The following FAM228B variants were observed in gnomAD, a reference collection of about 807,000 sequenced individuals.
FAM228B encodes the protein protein FAM228B.
FAM228B carries 38 observed loss-of-function variants against 42.6 expected under a neutral mutation model. The observed-to-expected ratio is 0.89, with a 90% CI of 0.69 to 1.17. The LOEUF (loss-of-function observed/expected upper bound fraction) is 1.17, where lower values mean the gene tolerates loss of function less well. FAM228B is among the 50% of genes most tolerant of loss of function. FAM228B has a pLI of 0.00. For synonymous variants in FAM228B, 109 were observed against 122.3 expected, an observed-to-expected ratio of 0.89 and a Z score of 0.72; for missense variants, 344 against 367.3, an observed-to-expected ratio of 0.94 and a Z score of 0.52.
At chr2:24,129,271 C>T (rs11892822) in intron 2 of FAM228B, among the ~76,000 whole-genome samples, 200 of 150,252 alleles carry the variant, frequency 1.3e-3, no homozygotes, top group African/African-American at 4.7e-3. Flanking sequence ...GCCTGATGTT[C>T]GATATCTTGG....
intron 9 of FAM228B, among the ~76,000 whole-genome samples, chr2:24,164,829 G>A (rs1250165344): frequency 6.6e-6 from 1 of 152,130 alleles, no homozygotes; most frequent in Non-Finnish European, 1.5e-5. Context: ...TTGAGAGATT[G>A]CCAGCAGCAG....
In FAM228B at chr2:24,164,303, C is replaced by T. The variant is rs1421510272; in HGVS notation, c.900C>T (p.Ser300=). Residue 300 remains serine, a synonymous_variant, in exon 9 of 11, where the codon AGC becomes AGT. Transcript: ENST00000615575. ...CTGAAGGGTATTTTTCTTCCTTGAG[C>T]CTCAGCCAGGAACGGGAGGAAGACC... The part of the protein sequence containing the change: ...AISEGYFSSL[S]LSQEREEDQD... 1 of 1,550,706 alleles carries T rather than the reference C, an allele frequency of 6.4e-7. No individual in the cohort carries two copies. The highest frequency in any genetic ancestry group is 8.7e-7 in the Non-Finnish European group (1 of 1,146,558).
intron 10 of FAM228B, among the ~76,000 whole-genome samples, chr2:24,168,356 G>A (rs1217381598): frequency 6.6e-6 from 1 of 152,234 alleles, no homozygotes; most frequent in Non-Finnish European, 1.5e-5. Context: ...TGGAGCGAGA[G>A]GTTGGTATGG....
At position 24,133,858 on chromosome 2, in the gene FAM228B, G is replaced by A. The variant is rs148874321; in HGVS notation, c.100-1261G>A. 2.9e-3 allele frequency among the ~76,000 whole-genome samples: 449 copies of A among 152,206 alleles called. 1 individual carries two copies. The highest frequency in any genetic ancestry group is 9.8e-3 in the African/African-American group (406 of 41,528). ...GCTCAGGAGTTTGAGGGTACAGTGC[G>A]CTATGATCATACTACTACACTCTAG... On this transcript the variant is annotated intron_variant, in intron 2 of 10. Transcript: ENST00000615575.
At chr2:24,118,403 C>T (rs751931162) in intron 3 of FAM228B, among the ~76,000 whole-genome samples, 5 of 152,184 alleles carry the variant, frequency 3.3e-5, no homozygotes, top group South Asian at 2.1e-4. Flanking sequence ...AGCTCTCTGG[C>T]GCCTTCCCTG....
At chr2:24,103,814 C>T (rs10181367) in intron 3 of FAM228B, among the ~76,000 whole-genome samples, 18,116 of 152,182 alleles carry the variant, frequency 0.12, 1,265 homozygotes, top group South Asian at 0.18. Context: ...ACTGAGTTCT[C>T]AAATCCAGGT....
intron 9 of FAM228B, among the ~76,000 whole-genome samples, chr2:24,167,326 A>T (rs1387941190): frequency 1.1e-4 from 17 of 152,112 alleles, no homozygotes; most frequent in Admixed American, 1.1e-3. Flanking sequence ...TGACCTAGGG[A>T]GGTCTAGGGG....
intron 3 of FAM228B, among the ~76,000 whole-genome samples, chr2:24,102,512 C>A (rs572095797): frequency 2.1e-3 from 322 of 152,278 alleles, no homozygotes; most frequent in African/African-American, 7.5e-3. Flanking sequence ...CCAAGGCAGG[C>A]GGATCAGCTG....
In FAM228B at chr2:24,108,849, C is replaced by T. The variant is rs189000765; in HGVS notation, c.-121+13620C>T. The stretch of plus-strand genomic sequence containing the variant: ...CTGGGAGGCGGAGCTTGCAGTGAGC[C>T]GAGATTGCGCCACTGCATTCCAGCC... On this transcript the variant is annotated intron_variant, in intron 3 of 10. Coordinates refer to the FAM228B transcript ENST00000613899. 4.6e-3 allele frequency among the ~76,000 whole-genome samples: 687 copies of T among 147,898 alleles called. 8 individuals carry two copies. Among genetic ancestry groups the T allele is most frequent in the African/African-American group, 0.015 (594 of 40,098 alleles).
intron 7 of FAM228B, among the ~76,000 whole-genome samples, chr2:24,159,679 C>A (rs1421115709): frequency 6.6e-6 from 1 of 152,146 alleles, no homozygotes. Context: ...GCATCCCGTC[C>A]CTCTTTCCAT....
Position 24,084,395 on chromosome 2 carries a change from G to GCAGGGCAGGGCAGGACAGGA in FAM228B, c.-210+3449_-210+3450insGCAGGACAGGACAGGGCAGG. The GCAGGGCAGGGCAGGACAGGA allele has an allele frequency of 6.7e-7, 1 of 1,488,346 alleles. No individual in the cohort carries two copies. The highest frequency in any genetic ancestry group is 1.3e-5 in the South Asian group (1 of 79,002). The allele number at this position is 1,488,346 out of a possible 1,614,324, so 92.2% of individuals were successfully genotyped here. ...GCAGGGCAGGGCAGGACAGGACAGG[G>GCAGGGCAGGGCAGGACAGGA]CAGGGCAGGACAGGACAGGGCAGGG... On this transcript the variant is annotated intron_variant, in intron 2 of 10. Coordinates refer to the FAM228B transcript ENST00000613899. This position sits in a 1 kb window ranked among gnomAD's most constrained non-coding sequence, Gnocchi z 8.4.
At chr2:24,146,676 G>T (rs1666901473) in intron 5 of FAM228B, 72 bp from the exon 6 acceptor site, 1 of 1,031,158 alleles carries the variant, frequency 9.7e-7, no homozygotes, top group Non-Finnish European at 1.4e-6. Context: ...ATATGTGGAT[G>T]CTTAGAATAG....
Position 24,164,199 on chromosome 2 carries a change from A to C in FAM228B, c.796A>C (p.Asn266His). 3 of 1,549,198 alleles carry C rather than the reference A, an allele frequency of 1.9e-6. No individual in the cohort carries two copies. Among genetic ancestry groups the C allele is most frequent in the Non-Finnish European group, 2.6e-6 (3 of 1,145,520 alleles). The change falls in exon 9 of 11, where the codon AAC (asparagine) becomes CAC (histidine). Residue 266 changes from asparagine (N) to histidine (H), a missense_variant and splice_region_variant. Coordinates refer to ENST00000615575, the MANE Select transcript of FAM228B (RefSeq NM_001145710.2). ...TTCCTTTCTGGTTCCTTCCTGCAGA[A>C]ACAAAGGGTCATCCTTTCTAGAAAG... is the stretch of plus-strand genomic sequence containing the variant. ...QEEEKTVIYK[N>H]KGSSFLEREP...
intron 1 of FAM228B, among the ~76,000 whole-genome samples, chr2:24,078,119 G>A (rs1664841448): frequency 6.6e-6 from 1 of 152,140 alleles, no homozygotes; most frequent in Non-Finnish European, 1.5e-5. Flanking sequence ...GACTGGAAAC[G>A]GGGCTGCAAT....
chr2:24,127,885 A>T (rs1573760984), intron 2 of FAM228B, among the ~76,000 whole-genome samples: 1 of 151,576 alleles, frequency 6.6e-6, no homozygotes, highest in Admixed American at 6.6e-5. Flanking sequence ...CTGATCTTGA[A>T]CTCCTGGCCT....
intron 8 of FAM228B, among the ~76,000 whole-genome samples, chr2:24,162,448 G>A (rs1002180641): frequency 2.0e-4 from 30 of 152,238 alleles, no homozygotes; most frequent in South Asian, 1.0e-3. Context: ...GTTAAAAGTC[G>A]TGCTGCCCCT....
At chr2:24,141,013 T>C (rs1448794292) in intron 5 of FAM228B, among the ~76,000 whole-genome samples, 1 of 151,882 alleles carries the variant, frequency 6.6e-6, no homozygotes, top group African/African-American at 2.4e-5. Flanking sequence ...TATAATTGCA[T>C]TGCATTCAAG....
intron 7 of FAM228B, among the ~76,000 whole-genome samples, chr2:24,151,865 T>A (rs1682203966): frequency 6.6e-6 from 1 of 151,904 alleles, no homozygotes; most frequent in Non-Finnish European, 1.5e-5. Flanking sequence ...TGTATTTTTA[T>A]TTTTATTTAT....
At chr2:24,148,910 C>T (rs954068904) in intron 7 of FAM228B, among the ~76,000 whole-genome samples, 6 of 152,140 alleles carry the variant, frequency 3.9e-5, no homozygotes, top group South Asian at 2.1e-4. Context: ...ACCATCCTTC[C>T]GCTCTGCATC....
Sources: allele counts gnomAD v4.1 joint callset (sites outside exome capture counted in the v4.1 genomes callset), GRCh38; gene constraint gnomAD v4.1.1; non-coding constraint Gnocchi (gnomAD v3.1); transcripts MANE v1.5; gene names NCBI Gene and HGNC (gene_info 2026-07-23, HGNC 2026-07-21).